The following SLC12A9 variants were observed in gnomAD, a reference collection of about 807,000 sequenced individuals.
The protein encoded by SLC12A9 is solute carrier family 12 member 9.
In SLC12A9, 55 loss-of-function variants were observed where a neutral mutation model predicts 66.0. The ratio of observed to expected loss-of-function variants is 0.83; its 90% CI spans 0.67 to 1.04. SLC12A9 has a LOEUF of 1.04. Ranked by LOEUF, SLC12A9 falls within the 50% of genes least tolerant of loss-of-function variation. The pLI, the probability that SLC12A9 is intolerant of heterozygous loss-of-function variation, is 0.00. For synonymous variants in SLC12A9, 577 were observed against 569.0 expected, an observed-to-expected ratio of 1.01 and a Z score of -0.20; for missense variants, 1,061 against 1,241.9, an observed-to-expected ratio of 0.85 and a Z score of 2.19.
At chr7:100,847,223 C>G (rs1486755821) in intron 1 of SLC12A9, among the ~76,000 whole-genome samples, 2 of 152,222 alleles carry the variant, frequency 1.3e-5, no homozygotes, top group Admixed American at 1.3e-4. Context: ...TGGTCCTAAA[C>G]GCCTGACCTC....
intron 13 of SLC12A9, among the ~76,000 whole-genome samples, chr7:100,864,023 G>A (rs1357317735): frequency 2.0e-5 from 3 of 151,546 alleles, no homozygotes; most frequent in Non-Finnish European, 4.4e-5. Flanking sequence ...TATGAAATAC[G>A]AAATTTTTCC....
chr7:100,859,000 A>AG, intron 6 of SLC12A9, 50 bp from the exon 7 acceptor site: 1 of 1,611,956 alleles, frequency 6.2e-7, no homozygotes, highest in Non-Finnish European at 8.5e-7. Context: ...TGAGGGACCC[A>AG]GGGGGATGGC....
rs1814776249 is a variant in SLC12A9 at position 100,861,833 on chromosome 7, C to G, written c.1633C>G (p.Leu545Val). 1.9e-6 allele frequency: 3 copies of G among 1,613,970 alleles called. No homozygotes were observed. Among genetic ancestry groups the G allele is most frequent in the Non-Finnish European group, 2.5e-6 (3 of 1,180,000 alleles). Reference protein sequence around the residue: ...LLLVGNPRGALPLLRLANQLK... With the variant: ...LLLVGNPRGAVPLLRLANQLK... ...CCTGGTGGGGAACCCCCGGGGCGCC[C>G]TGCCTCTGCTGCGGTTGGCCAACCA... The change falls in exon 12 of 14, where the codon CTG becomes GTG. Residue 545 changes from leucine to valine, a missense_variant. Transcript: ENST00000354161. The surrounding 1 kb of genome is among the most constrained non-coding windows in gnomAD (Gnocchi z 5.3).
intron 13 of SLC12A9, among the ~76,000 whole-genome samples, chr7:100,864,053 G>A (rs1234323300): frequency 6.6e-6 from 1 of 150,904 alleles, no homozygotes; most frequent in Non-Finnish European, 1.5e-5. Context: ...TATCAGGTCG[G>A]TGCAAAAGCA....
intron 5 of SLC12A9, chr7:100,857,470 G>T: frequency 2.5e-6 from 1 of 403,156 alleles, no homozygotes; most frequent in Non-Finnish European, 4.5e-6. Flanking sequence ...GACTTAAACA[G>T]ATCAGGATCA....
At chr7:100,837,566 A>T (rs1433037228) in intron 1 of SLC12A9, 1 of 152,228 alleles carries the variant, frequency 6.6e-6, no homozygotes, top group Non-Finnish European at 1.5e-5. Context: ...AGTGGGGCGG[A>T]TTCCGGAGGA....
chr7:100,831,079 T>TTCCCAGCCCAGAGCAATATACTGCTATC (rs1813534506), intron 1 of SLC12A9, among the ~76,000 whole-genome samples: 1 of 152,250 alleles, frequency 6.6e-6, no homozygotes, highest in African/African-American at 2.4e-5. Flanking sequence ...GTCACCTTTG[T>TTCCCAGCCCAGAGCAATATACTGCTATC]TCCCAGCCCA....
At chr7:100,837,179 G>A (rs1296201928) in intron 1 of SLC12A9, 1 of 152,280 alleles carries the variant, frequency 6.6e-6, no homozygotes, top group Non-Finnish European at 1.5e-5. Flanking sequence ...CTGGGCTCAA[G>A]AGATACTCTG....
intron 1 of SLC12A9, among the ~76,000 whole-genome samples, chr7:100,836,078 G>A (rs947705558): frequency 6.6e-6 from 1 of 152,198 alleles, no homozygotes; most frequent in Non-Finnish European, 1.5e-5. Flanking sequence ...GGCAGGATAT[G>A]AGGCCAAGCC....
intron 1 of SLC12A9, among the ~76,000 whole-genome samples, chr7:100,831,977 AC>A (rs1413847214): frequency 6.6e-6 from 1 of 152,256 alleles, no homozygotes; most frequent in East Asian, 1.9e-4. Context: ...CTGAAATCTT[AC>A]AGCTCTGTTA....
At chr7:100,863,039 G>A (rs998632582) in intron 13 of SLC12A9, among the ~76,000 whole-genome samples, 1 of 151,162 alleles carries the variant, frequency 6.6e-6, no homozygotes, top group Non-Finnish European at 1.5e-5. Context: ...GGTGGGCGAT[G>A]TTGTGGGTTT....
intron 1 of SLC12A9, among the ~76,000 whole-genome samples, chr7:100,844,858 A>G (rs1336450246): frequency 6.6e-6 from 1 of 152,180 alleles, no homozygotes; most frequent in Non-Finnish European, 1.5e-5. Flanking sequence ...TCTATGATAA[A>G]CTAAAAGTGC....
intron 1 of SLC12A9, among the ~76,000 whole-genome samples, chr7:100,840,852 A>C (rs1231814903): frequency 6.6e-6 from 1 of 152,006 alleles, no homozygotes; most frequent in African/African-American, 2.4e-5. Flanking sequence ...ACCCTGTAAC[A>C]CTCCAATACC....
intron 13 of SLC12A9, 75 bp from the exon 14 acceptor site, chr7:100,865,644 G>C: frequency 6.4e-7 from 1 of 1,558,028 alleles, no homozygotes; most frequent in Non-Finnish European, 8.7e-7. Context: ...TGCTGTCAGT[G>C]TGTGGGAGCG....
intron 5 of SLC12A9, 54 bp from the exon 6 acceptor site, chr7:100,858,781 T>C: frequency 1.3e-6 from 2 of 1,576,130 alleles, no homozygotes; most frequent in Non-Finnish European, 1.7e-6. Flanking sequence ...CTAAGAGGCC[T>C]GGATCCCTGA....
At position 100,865,908 on chromosome 7, in the gene SLC12A9, A is replaced by G. The variant is rs778829948; in HGVS notation, c.2048A>G (p.Tyr683Cys). ...CCCCGGGCCCTCAATCCCCAGGACT[A>G]TGTGGCCACGGTGGCCGACGCCCTC... ...GSPRALNPQD[Y>C]VATVADALKM... The change falls in exon 14 of 14, where the codon TAT becomes TGT. Residue 683 changes from tyrosine to cysteine, a missense_variant. Physicochemically the swap from Tyr to Cys is radical, Grantham distance 194. Transcript: ENST00000354161. 2.0e-5 allele frequency: 32 copies of G among 1,612,916 alleles called. No individual in the cohort carries two copies. Among genetic ancestry groups the G allele is most frequent in the East Asian group, 1.8e-4 (8 of 44,822 alleles).
At chr7:100,848,069 G>C (rs1813955332), upstream of SLC12A9, among the ~76,000 whole-genome samples, 1 of 123,602 alleles carries the variant, frequency 8.1e-6, no homozygotes, top group African/African-American at 3.0e-5. Context: ...CTGGGCGACA[G>C]AGTGACTCCA....
At chr7:100,848,314 G>A (rs1813963470), upstream of SLC12A9, among the ~76,000 whole-genome samples, 1 of 151,558 alleles carries the variant, frequency 6.6e-6, no homozygotes, top group South Asian at 2.1e-4. Context: ...AGACCAGCCT[G>A]GGCAACATAG....
chr7:100,854,412 A>G (rs781159161), intron 2 of SLC12A9, 34 bp downstream of exon 2: 1 of 1,603,538 alleles, frequency 6.2e-7, no homozygotes, highest in South Asian at 1.1e-5. Flanking sequence ...TGGACTGACT[A>G]TAGTATGGGA....
Sources: allele counts gnomAD v4.1 joint callset (sites outside exome capture counted in the v4.1 genomes callset), GRCh38; gene constraint gnomAD v4.1.1; non-coding constraint Gnocchi (gnomAD v3.1); transcripts MANE v1.5; gene names NCBI Gene and HGNC (gene_info 2026-07-23, HGNC 2026-07-21).